PDE4DIP: variants seen among roughly 807,000 people sequenced by gnomAD.
The protein encoded by PDE4DIP is myomegalin.
In PDE4DIP, 59 loss-of-function variants were observed where a neutral mutation model predicts 221.4. The ratio of observed to expected loss-of-function variants is 0.27; its 90% CI spans 0.22 to 0.33. The LOEUF (loss-of-function observed/expected upper bound fraction) is 0.33. Among genes scored for constraint, PDE4DIP ranks in the 10% least tolerant of loss-of-function variants. The probability of loss-of-function intolerance (pLI) is 1.00; values close to 1 mark genes in which losing one functional copy is unlikely to be tolerated. For missense variants in PDE4DIP, 1,036 were observed against 2,154.2 expected (o/e 0.48, Z 10.28); for synonymous variants, 404 against 815.9 (o/e 0.50, Z 8.60).
chr1:149,021,927 C>A, intron 37 of PDE4DIP, among the ~76,000 whole-genome samples: 1 of 143,212 alleles, frequency 7.0e-6, no homozygotes, highest in Admixed American at 7.0e-5. Context: ...GAAGGGTATT[C>A]AAAACATAAT....
In PDE4DIP at chr1:148,929,184, G is replaced by T; in HGVS notation, c.142-13G>T. 6.2e-7 allele frequency: 1 copy of T among 1,613,424 alleles called. No individual in the cohort carries two copies. Among genetic ancestry groups the T allele is most frequent in the Non-Finnish European group, 8.5e-7 (1 of 1,179,616 alleles). ...TGGCAGTTAATAACGATTAATGCCTGTGTGTTTTTCAGAACATTGAGCTGA... is the reference window on the plus strand; with the variant it reads ...TGGCAGTTAATAACGATTAATGCCTTTGTGTTTTTCAGAACATTGAGCTGA... On this transcript the variant is annotated splice_polypyrimidine_tract_variant and intron_variant, in intron 1 of 43. Coordinates refer to ENST00000369354, the Ensembl canonical transcript of PDE4DIP.
At chr1:148,917,108 G>A (rs587775737) in intron 1 of PDE4DIP, among the ~76,000 whole-genome samples, 33 of 149,566 alleles carry the variant, frequency 2.2e-4, no homozygotes, top group Non-Finnish European at 4.0e-4. Context: ...ATGTCCTGGG[G>A]AGGGGAGAGA....
intron 21 of PDE4DIP, chr1:148,990,274 A>C: frequency 1.0e-6 from 1 of 983,818 alleles, no homozygotes; most frequent in Non-Finnish European, 1.2e-6. Context: ...TAATGGAAGA[A>C]GACTGTGAGC....
At chr1:148,952,000 A>G (rs1230216869) in intron 5 of PDE4DIP, 1 of 935,462 alleles carries the variant, frequency 1.1e-6, no homozygotes. Flanking sequence ...GGCGGCGCGC[A>G]GCGGTACCTA....
intron 32 of PDE4DIP, among the ~76,000 whole-genome samples, chr1:149,015,733 A>G (rs2070292719): frequency 6.7e-6 from 1 of 150,326 alleles, no homozygotes; most frequent in African/African-American, 2.4e-5. Context: ...CTTGCCTTAC[A>G]TAGGCCCTTC....
chr1:149,017,792 C>G, exon 34 of PDE4DIP: 1 of 1,608,704 alleles, frequency 6.2e-7, no homozygotes, highest in Non-Finnish European at 8.5e-7. Flanking sequence ...CCGGAACCTG[C>G]GCCAGCGCCT....
chr1:148,898,907 C>G (rs1352282420), intron 1 of PDE4DIP, among the ~76,000 whole-genome samples: 1 of 113,160 alleles, frequency 8.8e-6, no homozygotes, highest in Non-Finnish European at 1.7e-5. Context: ...TCTCGGCTCA[C>G]TGCAACCTCC....
chr1:148,986,770 CAG>C (rs2061979551), intron 21 of PDE4DIP, among the ~76,000 whole-genome samples: 1 of 152,188 alleles, frequency 6.6e-6, no homozygotes, highest in Admixed American at 6.5e-5. Context: ...GAAAGCACGA[CAG>C]AGGTTTCAGG....
intron 43 of PDE4DIP, among the ~76,000 whole-genome samples, chr1:149,031,557 T>C (rs1268697707): frequency 2.0e-5 from 3 of 150,184 alleles, no homozygotes; most frequent in Non-Finnish European, 4.4e-5. Context: ...TGTCCTCTTC[T>C]TCCTACAAAC....
At chr1:148,981,434 A>C in intron 21 of PDE4DIP, 37 bp downstream of exon 24, 2 of 1,613,280 alleles carry the variant, frequency 1.2e-6, no homozygotes, top group Non-Finnish European at 8.5e-7. Context: ...CATCACAAGC[A>C]TGCCTACTGA....
rs1467318596 is a variant in PDE4DIP, at chr1:148,898,846, C to A, written c.141+8952C>A. ...AAATCCAGAAATTCTTTTTTTTTTA[C>A]TTTGAGACAGAGTCTTGCTCTGTCG... On this transcript the variant is annotated intron_variant, in intron 1 of 43. Transcript: ENST00000369354. 7.5e-5 allele frequency among the ~76,000 whole-genome samples: 8 copies of A among 106,614 alleles called. 1 individual carries two copies. The highest frequency in any genetic ancestry group is 1.4e-4 in the Non-Finnish European group (8 of 56,236). 69.9% of individuals were successfully genotyped at this position (106,614 alleles called of 152,430 possible).
intron 37 of PDE4DIP, among the ~76,000 whole-genome samples, chr1:149,023,625 CATGT>C (rs2073898301): frequency 7.2e-6 from 1 of 138,756 alleles, no homozygotes; most frequent in South Asian, 2.4e-4. Context: ...TATATATGTA[CATGT>C]ATATGTGTGC....
chr1:149,019,177 G>GCAAA (rs2071754734), intron 35 of PDE4DIP, among the ~76,000 whole-genome samples: 1 of 29,666 alleles, frequency 3.4e-5, no homozygotes, highest in Non-Finnish European at 6.8e-5. Flanking sequence ...TCCATGCCGA[G>GCAAA]TGGCACTAGC....
intron 21 of PDE4DIP, 93 bp downstream of exon 24, chr1:148,981,490 C>T (rs782434256): frequency 6.6e-5 from 98 of 1,475,040 alleles, no homozygotes; most frequent in Non-Finnish European, 9.1e-5. Context: ...ACCTTGTTTG[C>T]ACTAACCAGA....
intron 1 of PDE4DIP, among the ~76,000 whole-genome samples, chr1:148,862,173 C>T (rs1352282441): frequency 2.0e-5 from 3 of 149,744 alleles, no homozygotes; most frequent in Admixed American, 6.6e-5. Context: ...TCCACATTCC[C>T]CACTTTCCTT....
intron 1 of PDE4DIP, among the ~76,000 whole-genome samples, chr1:148,917,161 G>A (rs2044278476): frequency 6.6e-6 from 1 of 151,622 alleles, no homozygotes; most frequent in Non-Finnish European, 1.5e-5. Context: ...TTTCTCACTG[G>A]CCAGCTCAGT....
At chr1:148,827,768 A>G (rs1553366326) in intron 1 of PDE4DIP, among the ~76,000 whole-genome samples, 1 of 104,648 alleles carries the variant, frequency 9.6e-6, no homozygotes, top group African/African-American at 2.9e-5. Flanking sequence ...ACAATCTATG[A>G]AGCAATTGAA....
At chr1:148,893,174 A>T (rs1699409125) in intron 1 of PDE4DIP, among the ~76,000 whole-genome samples, 1 of 141,660 alleles carries the variant, frequency 7.1e-6, no homozygotes, top group Non-Finnish European at 1.5e-5. Flanking sequence ...CTGGTCTCAA[A>T]TTCCTGGGCT....
chr1:149,023,416 C>T (rs587664415), intron 37 of PDE4DIP, among the ~76,000 whole-genome samples: 6 of 148,508 alleles, frequency 4.0e-5, no homozygotes, highest in African/African-American at 7.4e-5. Context: ...TTTTACCTTT[C>T]GAAATACATT....
Sources: gnomAD v4.1 joint callset for allele counts (sites outside exome capture counted in the v4.1 genomes callset) on GRCh38, gnomAD v4.1.1 for gene constraint, MANE v1.5 for transcripts, NCBI Gene and HGNC (gene_info 2026-07-23, HGNC 2026-07-21) for gene names.